The following GRIN3A variants were observed in gnomAD, a reference collection of about 807,000 sequenced individuals.
GRIN3A encodes the protein glutamate receptor ionotropic, NMDA 3A.
In GRIN3A, 47 loss-of-function variants were observed where a neutral mutation model predicts 92.4. The observed-to-expected ratio is 0.51, with a 90% CI of 0.40 to 0.65. The LOEUF is 0.65. GRIN3A is among the 30% of genes least tolerant of loss of function. GRIN3A has a pLI of 0.00. For missense variants in GRIN3A, 1,324 were observed against 1,393.1 expected (o/e 0.95, Z 0.79); for synonymous variants, 527 against 540.6 (o/e 0.97, Z 0.35).
At chr9:101,695,094 G>T (rs952489208) in intron 1 of GRIN3A, among the ~76,000 whole-genome samples, 2 of 152,164 alleles carry the variant, frequency 1.3e-5, no homozygotes, top group African/African-American at 4.8e-5. Flanking sequence ...CTTTTGTAAA[G>T]ATTGAATAGC....
chr9:101,609,715 T>C (rs1828334410), intron 6 of GRIN3A, among the ~76,000 whole-genome samples: 1 of 152,174 alleles, frequency 6.6e-6, no homozygotes, highest in South Asian at 2.1e-4. Flanking sequence ...TCCCTTCAGC[T>C]GAAGTCTTGG....
At position 101,607,727 on chromosome 9, in the gene GRIN3A, TG is replaced by T. The variant is rs559801916; in HGVS notation, c.2766+5648del. On this transcript the variant is annotated intron_variant, in intron 6 of 8. Coordinates refer to ENST00000361820, the MANE Select transcript of GRIN3A (RefSeq NM_133445.3). ...GCTTGTCTGATTTCAAAGCTAATCC[TG>T]GTTCCCCACACTAACAGAGCCCGGC... Among the ~76,000 whole-genome samples, 93 of 152,366 alleles carry T rather than the reference TG, an allele frequency of 6.1e-4. No homozygotes were observed. The East Asian group carries it at 0.017, about 28-fold the overall frequency.
chr9:101,665,669 C>A (rs1442730651), intron 3 of GRIN3A, among the ~76,000 whole-genome samples: 1 of 151,722 alleles, frequency 6.6e-6, no homozygotes, highest in African/African-American at 2.4e-5. Context: ...CGGCTTACGG[C>A]AGAAAAACAA....
intron 1 of GRIN3A, among the ~76,000 whole-genome samples, chr9:101,717,009 T>C (rs1290063636): frequency 2.0e-5 from 3 of 152,166 alleles, no homozygotes; most frequent in Admixed American, 6.5e-5. Context: ...CCCTACTGTA[T>C]TATTTGGGAC....
intron 5 of GRIN3A, among the ~76,000 whole-genome samples, chr9:101,619,243 T>G (rs1042465690): frequency 6.6e-6 from 1 of 152,174 alleles, no homozygotes; most frequent in Non-Finnish European, 1.5e-5. Context: ...CAGTCTGTCC[T>G]TGGAATACCA....
chr9:101,686,360 A>C (rs1327989935), intron 2 of GRIN3A, among the ~76,000 whole-genome samples: 1 of 152,226 alleles, frequency 6.6e-6, no homozygotes, highest in Non-Finnish European at 1.5e-5. Context: ...AGCTAAACCA[A>C]GGTTTAAAGG....
At chr9:101,644,070 T>C in intron 3 of GRIN3A, among the ~76,000 whole-genome samples, 1 of 151,902 alleles carries the variant, frequency 6.6e-6, no homozygotes, top group Non-Finnish European at 1.5e-5. Context: ...AGGTTATAGA[T>C]ATGTAAATAG....
intron 6 of GRIN3A, among the ~76,000 whole-genome samples, chr9:101,610,934 T>C (rs923926169): frequency 6.6e-6 from 1 of 151,732 alleles, no homozygotes; most frequent in Non-Finnish European, 1.5e-5. Flanking sequence ...CTGTCTCCAC[T>C]AAAAACACAA....
intron 3 of GRIN3A, among the ~76,000 whole-genome samples, chr9:101,632,638 ATTC>A (rs1461229814): frequency 2.0e-5 from 3 of 152,158 alleles, no homozygotes; most frequent in South Asian, 2.1e-4. Flanking sequence ...AAAATGATAT[ATTC>A]TTCTTTCTTT....
chr9:101,618,781 T>C (rs1828506291), intron 5 of GRIN3A, among the ~76,000 whole-genome samples: 1 of 152,162 alleles, frequency 6.6e-6, no homozygotes, highest in Non-Finnish European at 1.5e-5. Flanking sequence ...TCTGTCCCCA[T>C]TTATAGTTGC....
intron 1 of GRIN3A, among the ~76,000 whole-genome samples, chr9:101,689,460 A>G (rs1829585104): frequency 6.6e-6 from 1 of 152,168 alleles, no homozygotes; most frequent in South Asian, 2.1e-4. Flanking sequence ...CATGAGAGAG[A>G]GAGACATGGG....
intron 1 of GRIN3A, among the ~76,000 whole-genome samples, chr9:101,735,771 A>G (rs1197315952): frequency 6.6e-6 from 1 of 151,880 alleles, no homozygotes; most frequent in African/African-American, 2.4e-5. Flanking sequence ...CACTTTGGTC[A>G]TTGGCAGCAT....
chr9:101,649,623 T>C (rs922116156), intron 3 of GRIN3A, among the ~76,000 whole-genome samples: 4 of 152,042 alleles, frequency 2.6e-5, no homozygotes, highest in African/African-American at 9.7e-5. Context: ...ATTTCTCTTA[T>C]TGGTTGCAGC....
chr9:101,623,412 G>A lies in GRIN3A; in HGVS notation c.2520C>T (p.Asp840=), dbSNP rs143827340. ...GAAGGGCTTTGTCCATGATGAAGGC[G>A]TCTAGTTTCTCTGGATCATTCCTAT... ...EYLKNDPEKL[D]AFIMDKALLD... The change falls in exon 5 of 9, where the codon GAC becomes GAT. Residue 840 remains aspartate (D), a synonymous_variant. Coordinates refer to ENST00000361820, the MANE Select transcript of GRIN3A (RefSeq NM_133445.3). 106 of 1,610,778 alleles carry A rather than the reference G, an allele frequency of 6.6e-5. No individual in the cohort carries two copies. In the African/African-American group the frequency reaches 6.8e-4, roughly 10 times the overall value.
At chr9:101,649,629 G>A (rs1432279819) in intron 3 of GRIN3A, among the ~76,000 whole-genome samples, 1 of 152,024 alleles carries the variant, frequency 6.6e-6, no homozygotes, top group African/African-American at 2.4e-5. Flanking sequence ...CTTATTGGTT[G>A]CAGCCTGTCT....
chr9:101,680,010 C>T (rs1462230133), intron 2 of GRIN3A, among the ~76,000 whole-genome samples: 2 of 152,190 alleles, frequency 1.3e-5, no homozygotes, highest in African/African-American at 4.8e-5. Context: ...AAGGCTTATA[C>T]TAATTCTGAA....
chr9:101,672,464 C>A (rs1008885199), intron 2 of GRIN3A, among the ~76,000 whole-genome samples: 2 of 152,050 alleles, frequency 1.3e-5, no homozygotes, highest in Non-Finnish European at 2.9e-5. Context: ...AGACACATTT[C>A]AAATTAAAAG....
intron 2 of GRIN3A, among the ~76,000 whole-genome samples, chr9:101,683,299 C>T (rs559085088): frequency 1.9e-4 from 29 of 152,142 alleles, no homozygotes; most frequent in African/African-American, 4.1e-4. Flanking sequence ...TGAAAACTTG[C>T]GTAACTCTGA....
chr9:101,631,056 A>G (rs137957289), intron 3 of GRIN3A, among the ~76,000 whole-genome samples: 229 of 152,312 alleles, frequency 1.5e-3, no homozygotes, highest in African/African-American at 5.4e-3. Context: ...TACAGTACAT[A>G]TACCTATCTT....
Sources: gnomAD v4.1 joint callset for allele counts (sites outside exome capture counted in the v4.1 genomes callset) on GRCh38, gnomAD v4.1.1 for gene constraint, MANE v1.5 for transcripts, NCBI Gene and HGNC (gene_info 2026-07-23, HGNC 2026-07-21) for gene names.